Variants in ABCA13 observed in about 807,000 individuals in gnomAD.
ABCA13 encodes the protein ATP-binding cassette sub-family A member 13.
A neutral mutation model predicts 478.7 loss-of-function variants in ABCA13; 476 were observed. That is an observed-to-expected ratio of 0.99 (90% CI 0.92 to 1.07). The LOEUF (loss-of-function observed/expected upper bound fraction) is 1.07. Ranked by LOEUF, ABCA13 falls within the 50% of genes least tolerant of loss-of-function variation. The probability of loss-of-function intolerance (pLI) is 0.00; values close to 1 mark genes in which losing one functional copy is unlikely to be tolerated. For synonymous variants in ABCA13, 2,252 were observed against 2,158.9 expected (o/e 1.04, Z -1.20); for missense variants, 6,060 against 5,910.6 (o/e 1.03, Z -0.83).
At chr7:48,311,265 C>T (rs564504922) in intron 24 of ABCA13, among the ~76,000 whole-genome samples, 1 of 152,264 alleles carries the variant, frequency 6.6e-6, no homozygotes, top group South Asian at 2.1e-4. Flanking sequence ...AACACACACA[C>T]ACCCACACAC....
At chr7:48,431,348 C>CAAG (rs200164622) in intron 42 of ABCA13, among the ~76,000 whole-genome samples, 13 of 48,008 alleles carry the variant, frequency 2.7e-4, no homozygotes, top group Non-Finnish European at 6.1e-4. Context: ...TCTCAAACAA[C>CAAG]AACAACAACA....
chr7:48,275,190 A>C lies in ABCA13; in HGVS notation c.5524A>C (p.Asn1842His). The change falls in exon 17 of 62, where the codon AAT becomes CAT. Residue 1842 changes from asparagine (N) to histidine (H), a missense_variant. By Grantham distance (68) the Asn-to-His change is moderately conservative. Around this residue, in one of 3 missense-constraint regions of ABCA13, gnomAD observed 4,423 missense variants for 4,309.1 expected, o/e 1.03. Transcript: ENST00000435803. ...GCAGAATTCAAAGATAGACCCCTGC[A>C]ATGTCCATGGGCTCATGTCTTCTTC... Reference protein sequence around the residue: ...FRQNSKIDPCNVHGLMSSSFY... With the variant: ...FRQNSKIDPCHVHGLMSSSFY... 1 of 1,613,950 alleles carries C rather than the reference A, an allele frequency of 6.2e-7. No individual in the cohort carries two copies. The highest frequency in any genetic ancestry group is 2.2e-5 in the East Asian group (1 of 44,878).
At chr7:48,471,704 A>G in intron 45 of ABCA13, 105 bp downstream of exon 45, 1 of 1,086,736 alleles carries the variant, frequency 9.2e-7, no homozygotes, top group Non-Finnish European at 1.3e-6. Flanking sequence ...GTGTCTTTAT[A>G]ACTTTTTGGT....
intron 31 of ABCA13, among the ~76,000 whole-genome samples, chr7:48,359,720 C>A (rs1303479689): frequency 6.6e-6 from 1 of 151,908 alleles, no homozygotes; most frequent in Non-Finnish European, 1.5e-5. Flanking sequence ...GCCTCAAAGT[C>A]CTACATCCTG....
chr7:48,366,802 C>T lies in ABCA13; in HGVS notation c.10689-992C>T, dbSNP rs564148195. ...AAACACCTCTTAAAGGCTGCATCAC[C>T]TCTCAATACCATCACATGGGCAATT... On this transcript the variant is annotated intron_variant, in intron 31 of 61. Coordinates refer to ENST00000435803, the MANE Select transcript of ABCA13 (RefSeq NM_152701.5). Among the ~76,000 whole-genome samples the T allele has an allele frequency of 1.3e-5, 2 of 152,246 alleles. 1 individual carries two copies. The highest frequency in any genetic ancestry group is 4.1e-4 in the South Asian group (2 of 4,826).
At chr7:48,178,611 G>T (rs1032157876) in intron 1 of ABCA13, among the ~76,000 whole-genome samples, 2 of 151,830 alleles carry the variant, frequency 1.3e-5, no homozygotes, top group Non-Finnish European at 2.9e-5. Flanking sequence ...GGAGGCAGAG[G>T]CTGCAGTGAG....
At chr7:48,392,741 G>A (rs971463415) in intron 38 of ABCA13, among the ~76,000 whole-genome samples, 2 of 152,210 alleles carry the variant, frequency 1.3e-5, no homozygotes, top group Non-Finnish European at 2.9e-5. Context: ...AGAGTGGCCA[G>A]TGTAGGCAAG....
intron 31 of ABCA13, among the ~76,000 whole-genome samples, chr7:48,355,213 G>A (rs1809695295): frequency 6.6e-6 from 1 of 151,976 alleles, no homozygotes; most frequent in African/African-American, 2.4e-5. Flanking sequence ...ACTAGGAGGG[G>A]AAGATGGAAT....
At chr7:48,491,741 C>T (rs1299735318) in intron 48 of ABCA13, among the ~76,000 whole-genome samples, 5 of 152,160 alleles carry the variant, frequency 3.3e-5, no homozygotes, top group Admixed American at 6.5e-5. Flanking sequence ...AGAACTCCCA[C>T]GAGCAGGGTT....
At chr7:48,629,923 G>A (rs1247658462) in intron 59 of ABCA13, among the ~76,000 whole-genome samples, 1 of 152,122 alleles carries the variant, frequency 6.6e-6, no homozygotes, top group Non-Finnish European at 1.5e-5. Flanking sequence ...ACAGATGTAG[G>A]AATGAGAAGA....
intron 55 of ABCA13, among the ~76,000 whole-genome samples, chr7:48,566,362 G>T (rs940964273): frequency 2.0e-5 from 3 of 152,124 alleles, no homozygotes; most frequent in African/African-American, 7.2e-5. Flanking sequence ...GTGCTGAAGC[G>T]TAAAGCATAC....
intron 53 of ABCA13, among the ~76,000 whole-genome samples, chr7:48,522,194 C>T (rs755165654): frequency 6.6e-6 from 1 of 152,148 alleles, no homozygotes; most frequent in Non-Finnish European, 1.5e-5. Flanking sequence ...GAGACCCTGC[C>T]CTGTGCAACT....
intron 1 of ABCA13, among the ~76,000 whole-genome samples, chr7:48,181,326 G>A (rs1380771583): frequency 6.6e-6 from 1 of 151,948 alleles, no homozygotes; most frequent in Non-Finnish European, 1.5e-5. Context: ...TATTTCTTTG[G>A]TTAGTTATCC....
chr7:48,310,127 G>A lies in ABCA13; in HGVS notation c.9502G>A (p.Ala3168Thr). 16 of 1,610,036 alleles carry A rather than the reference G, an allele frequency of 9.9e-6. No individual in the cohort carries two copies. Among genetic ancestry groups the A allele is most frequent in the Non-Finnish European group, 1.4e-5 (16 of 1,177,550 alleles). Residue 3168 changes from alanine to threonine, a missense_variant, in exon 24 of 62, where the codon GCT (alanine) becomes ACT (threonine). Around this residue, in one of 3 missense-constraint regions of ABCA13, gnomAD observed 4,423 missense variants for 4,309.1 expected, o/e 1.03. Transcript: ENST00000435803. ...VLLSRNLDVR[A>T]FIYKTLMPSE... ...GCTGAGTCGAAACTTGGATGTGCGA[G>A]CTTTCATTTACAAGGTATGGAGAGC...
At chr7:48,238,061 T>C (rs1466491291) in intron 8 of ABCA13, among the ~76,000 whole-genome samples, 1 of 152,246 alleles carries the variant, frequency 6.6e-6, no homozygotes, top group East Asian at 1.9e-4. Context: ...AAATTAAGCT[T>C]TCTGACTATT....
rs770091398 is a variant in ABCA13, at chr7:48,279,817, G to A, written c.8623G>A (p.Asp2875Asn). The A allele has an allele frequency of 1.3e-6, 2 of 1,597,202 alleles. No homozygotes were observed. Among genetic ancestry groups the A allele is most frequent in the East Asian group, 4.5e-5 (2 of 44,686 alleles). The change falls in exon 18 of 62, where the codon GAC becomes AAC. Residue 2875 changes from aspartate (D) to asparagine (N), a missense_variant. Physicochemically the swap from Asp to Asn is conservative, Grantham distance 23 (BLOSUM62 1). Transcript: ENST00000435803. ...KEERTKKEMI[D>N]FPYSFKPFFC... is the part of the protein sequence containing the mutation. ...AGAGAGAACCAAGAAAGAGATGATT[G>A]ACTTTCCTTATAGTTTCAAACCATT... is the stretch of plus-strand genomic sequence containing the variant.
chr7:48,463,286 C>T (rs1881080), intron 43 of ABCA13, among the ~76,000 whole-genome samples: 28,590 of 152,070 alleles, frequency 0.19, 3,124 homozygotes, highest in African/African-American at 0.3. Context: ...ATCAACTGGA[C>T]GAAGTTCCGA....
At chr7:48,202,561 G>A (rs1798929364) in intron 3 of ABCA13, among the ~76,000 whole-genome samples, 1 of 151,812 alleles carries the variant, frequency 6.6e-6, no homozygotes, top group Non-Finnish European at 1.5e-5. Context: ...GCTAAACACA[G>A]GGTGCTGATT....
intron 48 of ABCA13, among the ~76,000 whole-genome samples, chr7:48,491,552 A>T (rs997763812): frequency 2.6e-5 from 4 of 152,224 alleles, no homozygotes; most frequent in African/African-American, 7.2e-5. Flanking sequence ...GGAAAATTAA[A>T]GTAGAAGGAA....
Sources: gnomAD v4.1 joint callset for allele counts (sites outside exome capture counted in the v4.1 genomes callset) on GRCh38, gnomAD v4.1.1 for gene constraint, gnomAD v4.1.1 regional missense constraint, MANE v1.5 for transcripts, NCBI Gene and HGNC (gene_info 2026-07-23, HGNC 2026-07-21) for gene names.